The following DCC variants were observed in gnomAD, a reference collection of about 807,000 sequenced individuals.
DCC encodes DCC netrin 1 receptor.
A neutral mutation model predicts 172.5 loss-of-function variants in DCC; 58 were observed. That is an observed-to-expected ratio of 0.34 (90% CI 0.27 to 0.42). The LOEUF (loss-of-function observed/expected upper bound fraction) is 0.42. DCC is among the 10% of genes least tolerant of loss of function. DCC has a pLI of 1.00. For missense variants in DCC, 1,740 were observed against 1,791.0 expected, an observed-to-expected ratio of 0.97 and a Z score of 0.51; for synonymous variants, 709 against 644.5, an observed-to-expected ratio of 1.10 and a Z score of -1.52.
chr18:53,421,648 T>G (rs1910648805), intron 21 of DCC, among the ~76,000 whole-genome samples: 1 of 152,234 alleles, frequency 6.6e-6, no homozygotes, highest in Admixed American at 6.5e-5. Flanking sequence ...TGGAATTAGA[T>G]ACTTTCAGTT....
chr18:52,534,674 G>A (rs182321496), intron 1 of DCC, among the ~76,000 whole-genome samples: 1 of 152,228 alleles, frequency 6.6e-6, no homozygotes, highest in East Asian at 1.9e-4. Context: ...TGCAGATTGA[G>A]AGTAAAATTT....
chr18:52,835,963 G>A (rs1458568748), intron 2 of DCC, among the ~76,000 whole-genome samples: 1 of 152,120 alleles, frequency 6.6e-6, no homozygotes, highest in Non-Finnish European at 1.5e-5. Context: ...ATTTATAAAG[G>A]AAAAAGGTTT....
intron 2 of DCC, among the ~76,000 whole-genome samples, chr18:52,809,114 A>AG (rs1166637495): frequency 6.6e-6 from 1 of 152,208 alleles, no homozygotes; most frequent in African/African-American, 2.4e-5. Flanking sequence ...TGGGTGCAGC[A>AG]GGGATCCAGA....
intron 16 of DCC, among the ~76,000 whole-genome samples, chr18:53,390,051 T>G (rs1255164836): frequency 6.6e-6 from 1 of 152,216 alleles, no homozygotes; most frequent in African/African-American, 2.4e-5. Flanking sequence ...CCTGCTTTAA[T>G]TTGGCAAAAA....
intron 7 of DCC, among the ~76,000 whole-genome samples, chr18:53,088,442 C>A (rs1046836996): frequency 6.6e-6 from 1 of 152,120 alleles, no homozygotes; most frequent in Non-Finnish European, 1.5e-5. Flanking sequence ...GTGATTTTTT[C>A]ACATTGAGTT....
In DCC at chr18:52,615,006, A is replaced by AT. The variant is rs2034353219; in HGVS notation, c.92-137042dup. Among the ~76,000 whole-genome samples the AT allele has an allele frequency of 2.0e-5, 3 of 152,074 alleles. No individual in the cohort carries two copies. The South Asian group carries it at 6.2e-4, about 32-fold the overall frequency. ...AAATGAAAGAAAGGGAAATATATAT[A>AT]TTTTTTCCTTTTAGCAGAAAATGTC... On this transcript the variant is annotated intron_variant, in intron 1 of 28. Transcript: ENST00000442544.
chr18:52,581,466 C>G (rs1467019352), intron 1 of DCC, among the ~76,000 whole-genome samples: 1 of 152,082 alleles, frequency 6.6e-6, no homozygotes, highest in Non-Finnish European at 1.5e-5. Context: ...CACTGAAGCT[C>G]TAGATGTAGT....
intron 11 of DCC, among the ~76,000 whole-genome samples, chr18:53,208,587 A>G (rs1161163131): frequency 1.3e-5 from 2 of 152,182 alleles, no homozygotes; most frequent in Non-Finnish European, 2.9e-5. Flanking sequence ...ATTAAAATTT[A>G]AAGTATTAAA....
At chr18:52,458,087 A>G (rs1988514365) in intron 1 of DCC, among the ~76,000 whole-genome samples, 1 of 152,172 alleles carries the variant, frequency 6.6e-6, no homozygotes, top group Admixed American at 6.5e-5. Context: ...GCACTGGCAC[A>G]CAGAAGCCTA....
At chr18:53,335,366 C>T (rs780570430) in intron 14 of DCC, among the ~76,000 whole-genome samples, 2 of 152,104 alleles carry the variant, frequency 1.3e-5, no homozygotes, top group Non-Finnish European at 2.9e-5. Context: ...CCTCTCCCAC[C>T]ACTATATTTT....
intron 3 of DCC, among the ~76,000 whole-genome samples, chr18:52,909,515 G>A (rs2039937700): frequency 6.6e-6 from 1 of 152,034 alleles, no homozygotes; most frequent in African/African-American, 2.4e-5. Flanking sequence ...TGTGTTTATA[G>A]TTATATAATT....
chr18:52,461,074 C>A (rs1988614935), intron 1 of DCC, among the ~76,000 whole-genome samples: 1 of 152,180 alleles, frequency 6.6e-6, no homozygotes, highest in Admixed American at 6.5e-5. Context: ...TAGCTTAAAA[C>A]ACAAACACAT....
intron 15 of DCC, among the ~76,000 whole-genome samples, chr18:53,377,442 C>T (rs2144972402): frequency 6.6e-6 from 1 of 151,456 alleles, no homozygotes; most frequent in Admixed American, 6.6e-5. Context: ...GCAATAACTA[C>T]TCCACTCATA....
chr18:53,487,844 C>G (rs2045919066), intron 26 of DCC, among the ~76,000 whole-genome samples: 1 of 151,964 alleles, frequency 6.6e-6, no homozygotes, highest in Non-Finnish European at 1.5e-5. Context: ...TGTGCAAAAA[C>G]TCGAGGAAAA....
chr18:53,450,289 A>G (rs763212541), intron 22 of DCC, among the ~76,000 whole-genome samples: 26 of 152,172 alleles, frequency 1.7e-4, no homozygotes, highest in Admixed American at 5.2e-4. Context: ...ACGTTTCTCT[A>G]TAAGGTTTTT....
chr18:53,075,609 A>G (rs897953068), intron 7 of DCC, among the ~76,000 whole-genome samples: 53 of 146,616 alleles, frequency 3.6e-4, no homozygotes, highest in African/African-American at 1.2e-3. Flanking sequence ...TGGTTTTTAT[A>G]TTGAATCCAA....
intron 1 of DCC, among the ~76,000 whole-genome samples, chr18:52,390,149 C>A (rs559683592): frequency 1.1e-3 from 167 of 152,172 alleles, no homozygotes; most frequent in African/African-American, 3.9e-3. Flanking sequence ...AACATTCTTC[C>A]CTCTATGAGG....
At chr18:52,980,650 A>G (rs983367132) in intron 5 of DCC, among the ~76,000 whole-genome samples, 1 of 152,074 alleles carries the variant, frequency 6.6e-6, no homozygotes, top group African/African-American at 2.4e-5. Flanking sequence ...AAAAAATTTT[A>G]TAACATAAAA....
intron 1 of DCC, among the ~76,000 whole-genome samples, chr18:52,476,823 A>C (rs2144573174): frequency 6.6e-6 from 1 of 152,292 alleles, no homozygotes; most frequent in Admixed American, 6.5e-5. Context: ...CTCTGACATA[A>C]GTAAGGGAAT....
Sources: allele counts gnomAD v4.1 joint callset (sites outside exome capture counted in the v4.1 genomes callset), GRCh38; gene constraint gnomAD v4.1.1; transcripts MANE v1.5; gene names NCBI Gene and HGNC (gene_info 2026-07-23, HGNC 2026-07-21).